OSBPL9: variants seen among roughly 807,000 people sequenced by gnomAD.
The protein encoded by OSBPL9 is oxysterol binding protein like 9.
OSBPL9 carries 40 observed loss-of-function variants against 106.6 expected under a neutral mutation model. That is an observed-to-expected ratio of 0.38 (90% CI 0.29 to 0.49). The LOEUF is 0.49. OSBPL9 is among the 20% of genes least tolerant of loss of function. The pLI, the probability that OSBPL9 is intolerant of heterozygous loss-of-function variation, is 0.97. For missense variants in OSBPL9, 609 were observed against 887.2 expected (o/e 0.69, Z 3.98); for synonymous variants, 269 against 295.4 (o/e 0.91, Z 0.92).
At chr1:51,629,626 G>A (rs906056560) in intron 1 of OSBPL9, among the ~76,000 whole-genome samples, 1 of 152,106 alleles carries the variant, frequency 6.6e-6, no homozygotes, top group Non-Finnish European at 1.5e-5. Flanking sequence ...ACTGACAAAA[G>A]GCAGATTCAT....
chr1:51,782,328 A>G (rs1676580931), intron 16 of OSBPL9, among the ~76,000 whole-genome samples: 1 of 152,134 alleles, frequency 6.6e-6, no homozygotes, highest in African/African-American at 2.4e-5. Flanking sequence ...ATAAGTGCCT[A>G]CTCTTGTCAG....
chr1:51,788,838 ATATCTATCTATC>A lies in OSBPL9; in HGVS notation c.*1058_*1069del, dbSNP rs72343545. 2.0e-5 allele frequency among the ~76,000 whole-genome samples: 3 copies of A among 152,034 alleles called. No homozygotes were observed. Among genetic ancestry groups the A allele is most frequent in the South Asian group, 4.2e-4 (2 of 4,814 alleles). On this transcript the variant is annotated 3_prime_UTR_variant, in exon 24 of 24. Coordinates refer to ENST00000428468, the MANE Select transcript of OSBPL9 (RefSeq NM_024586.6). ...TCATTCTGAAGGGAAATACAGAACT[ATATCTATCTATC>A]TATCTATCATCTTTTTTATTTAAAA...
At chr1:51,697,867 A>G (rs1199361511) in intron 3 of OSBPL9, among the ~76,000 whole-genome samples, 1 of 150,608 alleles carries the variant, frequency 6.6e-6, no homozygotes, top group Non-Finnish European at 1.5e-5. Context: ...CATTATTGAG[A>G]ATTAGGAGTT....
chr1:51,564,308 G>A, the OSBPL9 span, among the ~76,000 whole-genome samples: 1 of 152,108 alleles, frequency 6.6e-6, no homozygotes, highest in Admixed American at 6.6e-5. Context: ...GCTTAAGTAA[G>A]ATGGGAATTT....
At chr1:51,767,505 T>C (rs1207185851) in intron 12 of OSBPL9, among the ~76,000 whole-genome samples, 1 of 152,230 alleles carries the variant, frequency 6.6e-6, no homozygotes, top group Non-Finnish European at 1.5e-5. Flanking sequence ...AATTCTGCTT[T>C]CTCAGGGGAC....
chr1:51,780,367 G>A (rs1056835224), intron 15 of OSBPL9, among the ~76,000 whole-genome samples: 13 of 152,134 alleles, frequency 8.5e-5, no homozygotes, highest in African/African-American at 2.9e-4. Context: ...CCACTCCTGG[G>A]TATTTACTCA....
intron 3 of OSBPL9, among the ~76,000 whole-genome samples, chr1:51,676,640 CA>C (rs1007314423): frequency 6.1e-4 from 77 of 126,236 alleles, no homozygotes; most frequent in African/African-American, 2.2e-3. Context: ...GCCTGGCCGA[CA>C]GAGCAAGACT....
Position 51,784,334 on chromosome 1 carries a change from G to A in OSBPL9, c.1688+7G>A. ...TCCCCAATGGCTATGGAAGGCAAGT[G>A]TGTCCATTTCCTCTGATCAGCAGTA... On this transcript the variant is annotated splice_region_variant and intron_variant, in intron 19 of 23. Transcript: ENST00000428468. The A allele has an allele frequency of 6.2e-7, 1 of 1,612,978 alleles. No homozygotes were observed. The highest frequency in any genetic ancestry group is 8.5e-7 in the Non-Finnish European group (1 of 1,178,960).
chr1:51,610,966 G>C (rs1643983300), intron 2 of OSBPL9, among the ~76,000 whole-genome samples: 1 of 152,212 alleles, frequency 6.6e-6, no homozygotes, highest in African/African-American at 2.4e-5. Context: ...TCAGGGTGTA[G>C]ATGGGGCTGT....
chr1:51,787,245 C>T, intron 22 of OSBPL9, 108 bp from the exon 23 acceptor site: 1 of 1,085,286 alleles, frequency 9.2e-7, no homozygotes, highest in Non-Finnish European at 1.4e-6. Flanking sequence ...GAGATTTAGT[C>T]TGTGACCTAC....
At chr1:51,559,252 C>T in the OSBPL9 span, among the ~76,000 whole-genome samples, 1 of 151,812 alleles carries the variant, frequency 6.6e-6, no homozygotes, top group Non-Finnish European at 1.5e-5. Flanking sequence ...GGGCAGGGAC[C>T]CCATGGTAAC....
chr1:51,651,919 C>T, intron 1 of OSBPL9, 72 bp from the exon 2 acceptor site: 1 of 1,230,264 alleles, frequency 8.1e-7, no homozygotes, highest in Non-Finnish European at 1.2e-6. Flanking sequence ...TCCTTTTATC[C>T]CCAGATGATT....
chr1:51,575,367 AT>A (rs66865959), upstream of OSBPL9, among the ~76,000 whole-genome samples: 610 of 141,078 alleles, frequency 4.3e-3, 2 homozygotes, highest in East Asian at 0.023. Context: ...CACCCGGCTA[AT>A]TTTTTTTTTT....
At chr1:51,722,161 A>AC (rs1177496416) in intron 4 of OSBPL9, among the ~76,000 whole-genome samples, 1 of 135,152 alleles carries the variant, frequency 7.4e-6, no homozygotes, top group Non-Finnish European at 1.6e-5. Context: ...TCTCTAAAAT[A>AC]AATAGATAGA....
At chr1:51,593,943 C>CACACACACAT (rs1553148790) in intron 1 of OSBPL9, among the ~76,000 whole-genome samples, 7 of 150,234 alleles carry the variant, frequency 4.7e-5, no homozygotes, top group Non-Finnish European at 8.9e-5. Context: ...CACACACACA[C>CACACACACAT]GAAGAGCATC....
chr1:51,576,957 A>G (rs760100104), upstream of OSBPL9, among the ~76,000 whole-genome samples: 1 of 152,144 alleles, frequency 6.6e-6, no homozygotes, highest in Non-Finnish European at 1.5e-5. Flanking sequence ...TTGAATTGTA[A>G]TTTCCAATGT....
upstream of OSBPL9, among the ~76,000 whole-genome samples, chr1:51,576,277 C>T (rs67792427): frequency 0.16 from 24,139 of 152,158 alleles, 3,720 homozygotes; most frequent in African/African-American, 0.4. Flanking sequence ...GTCACTCCCT[C>T]CTGAGGGAGG....
At chr1:51,558,973 A>G in the OSBPL9 span, among the ~76,000 whole-genome samples, 1 of 152,234 alleles carries the variant, frequency 6.6e-6, no homozygotes, top group Admixed American at 6.5e-5. Context: ...GATTTAAAAA[A>G]CAAAACAAAC....
At chr1:51,755,621 ACT>A (rs1405621209) in intron 8 of OSBPL9, among the ~76,000 whole-genome samples, 1 of 152,068 alleles carries the variant, frequency 6.6e-6, no homozygotes, top group African/African-American at 2.4e-5. Context: ...GCCAGCTGAA[ACT>A]CTGCACTGTG....
Sources: allele counts gnomAD v4.1 joint callset (sites outside exome capture counted in the v4.1 genomes callset), GRCh38; gene constraint gnomAD v4.1.1; transcripts MANE v1.5; gene names NCBI Gene and HGNC (gene_info 2026-07-23, HGNC 2026-07-21).